The following PRDM2 variants were observed in gnomAD, a reference collection of about 807,000 sequenced individuals.
PRDM2 encodes PR/SET domain 2.
PRDM2 carries 30 observed loss-of-function variants against 130.0 expected under a neutral mutation model. The observed-to-expected ratio is 0.23, with a 90% CI of 0.17 to 0.31. The LOEUF (loss-of-function observed/expected upper bound fraction) is 0.31, where lower values mean the gene tolerates loss of function less well. Ranked by LOEUF, PRDM2 falls within the 10% of genes least tolerant of loss-of-function variation. The pLI is 1.00. For missense variants in PRDM2, 2,011 were observed against 2,108.4 expected (o/e 0.95, Z 0.90); for synonymous variants, 871 against 782.4 (o/e 1.11, Z -1.89).
At chr1:13,718,085 G>C (rs1231167612) in intron 2 of PRDM2, among the ~76,000 whole-genome samples, 2 of 152,036 alleles carry the variant, frequency 1.3e-5, no homozygotes, top group Non-Finnish European at 2.9e-5. Context: ...ATTTATTGCT[G>C]TCATTTTCAG....
chr1:13,731,507 C>T (rs2100472475), intron 3 of PRDM2, among the ~76,000 whole-genome samples: 1 of 152,336 alleles, frequency 6.6e-6, no homozygotes, highest in African/African-American at 2.4e-5. Flanking sequence ...AATATTTTTA[C>T]ACTTGGCTCT....
intron 9 of PRDM2, among the ~76,000 whole-genome samples, chr1:13,821,431 C>CATTCATTT (rs755599566): frequency 2.2e-5 from 3 of 138,200 alleles, no homozygotes; most frequent in South Asian, 2.6e-4. Flanking sequence ...ATGCAGTGAA[C>CATTCATTT]ATTTATTTAT....
chr1:13,774,385 G>A (rs1006939414), intron 7 of PRDM2, among the ~76,000 whole-genome samples: 9 of 152,224 alleles, frequency 5.9e-5, no homozygotes, highest in African/African-American at 2.2e-4. Flanking sequence ...AAAATAACCA[G>A]AATATTTTGG....
intron 1 of PRDM2, among the ~76,000 whole-genome samples, chr1:13,700,862 ATGTG>A (rs891928172): frequency 6.6e-6 from 1 of 151,912 alleles, no homozygotes; most frequent in African/African-American, 2.4e-5. Flanking sequence ...CCACGGGTGT[ATGTG>A]TGTGTGTGCG....
chr1:13,789,359 T>A lies in PRDM2; in HGVS notation c.5036+6528T>A, dbSNP rs562007896. 1.2e-3 allele frequency among the ~76,000 whole-genome samples: 177 copies of A among 152,372 alleles called. 3 individuals carry two copies. In the South Asian group the frequency reaches 0.036, roughly 31 times the overall value. ...AGATAATTTTACAAAACCAGCTTAA[T>A]GTATTGAGTACTTAATGTATGCCTG... On this transcript the variant is annotated intron_variant, in intron 8 of 9. Transcript: ENST00000311066.
At chr1:13,702,768 A>G (rs541155886) in intron 1 of PRDM2, among the ~76,000 whole-genome samples, 5 of 152,154 alleles carry the variant, frequency 3.3e-5, no homozygotes, top group Non-Finnish European at 7.4e-5. Flanking sequence ...TACTATTTTC[A>G]TGTCTTCTGA....
intron 6 of PRDM2, among the ~76,000 whole-genome samples, chr1:13,764,989 A>G (rs1220255983): frequency 6.6e-6 from 1 of 152,266 alleles, no homozygotes; most frequent in Non-Finnish European, 1.5e-5. Context: ...GAAACTATAG[A>G]AAATGCATGG....
chr1:13,772,179 G>A (rs1195170958), intron 6 of PRDM2: 2 of 152,172 alleles, frequency 1.3e-5, no homozygotes, highest in African/African-American at 4.8e-5. Flanking sequence ...TGGATCTGAA[G>A]ACTGAAACAC....
chr1:13,776,324 C>T (rs1344378084), intron 7 of PRDM2, among the ~76,000 whole-genome samples: 2 of 152,144 alleles, frequency 1.3e-5, no homozygotes, highest in Non-Finnish European at 2.9e-5. Context: ...GTCAGAATAG[C>T]TCTGCCTCCT....
intron 2 of PRDM2, chr1:13,717,275 A>G (rs916563440): frequency 9.7e-5 from 23 of 236,420 alleles, no homozygotes; most frequent in Non-Finnish European, 1.5e-4. Context: ...TCGTCCATCA[A>G]AGTTATACTC....
rs758621179 is a variant in PRDM2 at position 13,780,795 on chromosome 1, C to T, written c.3000C>T (p.Ser1000=). 2.5e-6 allele frequency: 4 copies of T among 1,585,584 alleles called. No homozygotes were observed. The highest frequency in any genetic ancestry group is 1.7e-5 in the Admixed American group (1 of 57,600). ...LPTVPLPAPS[S]SASPHPCPSP... Reference sequence around the variant, plus strand: ...CCGTACCTCTTCCAGCCCCCTCTTCCAGTGCATCTCCACACCCATGCCCCT... The same window carrying T: ...CCGTACCTCTTCCAGCCCCCTCTTCTAGTGCATCTCCACACCCATGCCCCT... Residue 1000 remains serine, a synonymous_variant, in exon 8 of 10, where the codon TCC becomes TCT. Coordinates refer to ENST00000311066, the MANE Select transcript of PRDM2 (RefSeq NM_001393986.1).
intron 8 of PRDM2, chr1:13,783,093 A>G (rs1644655445): frequency 1.4e-6 from 1 of 735,314 alleles, no homozygotes; most frequent in Non-Finnish European, 2.1e-6. Context: ...AAAACTATAG[A>G]AAAGCTCTCA....
At position 13,799,314 on chromosome 1, in the gene PRDM2, G is replaced by A. The variant is rs184625637; in HGVS notation, c.5036+16483G>A. ...CCAAAAATTAGCTGGGCATAGTGACGGGCGTCTGTAATCCCAGCTACTCAG... is the reference window on the plus strand; with the variant it reads ...CCAAAAATTAGCTGGGCATAGTGACAGGCGTCTGTAATCCCAGCTACTCAG... On this transcript the variant is annotated intron_variant, in intron 8 of 9. Coordinates refer to ENST00000311066, the MANE Select transcript of PRDM2 (RefSeq NM_001393986.1). 9.3e-4 allele frequency among the ~76,000 whole-genome samples: 141 copies of A among 152,148 alleles called. 1 individual carries two copies. The highest frequency in any genetic ancestry group is 2.9e-3 in the African/African-American group (120 of 41,502).
chr1:13,740,865 C>A (rs1334575774), intron 4 of PRDM2, among the ~76,000 whole-genome samples: 2 of 152,098 alleles, frequency 1.3e-5, no homozygotes, highest in Non-Finnish European at 2.9e-5. Flanking sequence ...AGAGCAGCAT[C>A]CTCACCATCA....
At chr1:13,799,094 C>T (rs775483107) in intron 8 of PRDM2, among the ~76,000 whole-genome samples, 1 of 152,208 alleles carries the variant, frequency 6.6e-6, no homozygotes, top group Non-Finnish European at 1.5e-5. Context: ...GTCTCCGCCA[C>T]TTACTTCGTC....
At chr1:13,717,041 G>T (rs1196132346) in intron 2 of PRDM2, among the ~76,000 whole-genome samples, 1 of 152,104 alleles carries the variant, frequency 6.6e-6, no homozygotes, top group Non-Finnish European at 1.5e-5. Context: ...ATTGAGAGAT[G>T]TGAAATTTTT....
intron 6 of PRDM2, among the ~76,000 whole-genome samples, chr1:13,770,063 C>T (rs1236266700): frequency 6.6e-6 from 1 of 152,136 alleles, no homozygotes; most frequent in African/African-American, 2.4e-5. Context: ...GTTGAGGCGC[C>T]TTGGTACCCT....
intron 1 of PRDM2, among the ~76,000 whole-genome samples, chr1:13,711,024 G>T (rs1642352769): frequency 6.6e-6 from 1 of 150,884 alleles, no homozygotes; most frequent in Non-Finnish European, 1.5e-5. Flanking sequence ...GGTGGAGCTT[G>T]CAGTGAGCTG....
At chr1:13,774,623 C>T (rs1422978879) in intron 7 of PRDM2, among the ~76,000 whole-genome samples, 2 of 152,162 alleles carry the variant, frequency 1.3e-5, no homozygotes, top group Non-Finnish European at 2.9e-5. Flanking sequence ...GTCACCTACT[C>T]CCCTTCAGTA....
Sources: allele counts gnomAD v4.1 joint callset (sites outside exome capture counted in the v4.1 genomes callset), GRCh38; gene constraint gnomAD v4.1.1; transcripts MANE v1.5; gene names NCBI Gene and HGNC (gene_info 2026-07-23, HGNC 2026-07-21).